Variants in SNTB1 observed in about 807,000 individuals in gnomAD.
SNTB1 encodes the protein syntrophin beta 1.
SNTB1 carries 36 observed loss-of-function variants against 48.9 expected under a neutral mutation model. That is an observed-to-expected ratio of 0.74 (90% CI 0.56 to 0.97). SNTB1 has a LOEUF of 0.97. Ranked by LOEUF, SNTB1 falls within the 50% of genes least tolerant of loss-of-function variation. The probability of loss-of-function intolerance (pLI) is 0.00; values close to 1 mark genes in which losing one functional copy is unlikely to be tolerated. For missense variants in SNTB1, 786 were observed against 703.4 expected, an observed-to-expected ratio of 1.12 and a Z score of -1.33; for synonymous variants, 299 against 294.6, an observed-to-expected ratio of 1.01 and a Z score of -0.15.
chr8:120,651,070 A>G (rs376000933), intron 2 of SNTB1, among the ~76,000 whole-genome samples: 2 of 152,210 alleles, frequency 1.3e-5, no homozygotes, highest in Non-Finnish European at 2.9e-5. Context: ...TCACAGTGCC[A>G]TGCTCATCTT....
At chr8:120,653,955 G>C (rs1258749279) in intron 2 of SNTB1, among the ~76,000 whole-genome samples, 1 of 143,412 alleles carries the variant, frequency 7.0e-6, no homozygotes. Flanking sequence ...CAGGAGAATG[G>C]CGTGAACCCG....
At chr8:120,624,404 C>G (rs1587041258) in intron 3 of SNTB1, among the ~76,000 whole-genome samples, 1 of 152,114 alleles carries the variant, frequency 6.6e-6, no homozygotes, top group East Asian at 1.9e-4. Flanking sequence ...GGAAGGTGGT[C>G]AAGCATCCTT....
At chr8:120,800,986 T>C (rs1252125452) in intron 1 of SNTB1, among the ~76,000 whole-genome samples, 1 of 152,060 alleles carries the variant, frequency 6.6e-6, no homozygotes, top group Admixed American at 6.6e-5. Context: ...TATTTGAATA[T>C]ACATTTTAAT....
chr8:120,710,991 T>C (rs1666467868), intron 1 of SNTB1, among the ~76,000 whole-genome samples: 1 of 152,194 alleles, frequency 6.6e-6, no homozygotes, highest in Admixed American at 6.5e-5. Flanking sequence ...TTAGGGCATA[T>C]TGACCTGCAC....
intron 1 of SNTB1, among the ~76,000 whole-genome samples, chr8:120,712,659 A>C (rs925296748): frequency 2.0e-5 from 3 of 152,204 alleles, no homozygotes; most frequent in African/African-American, 7.2e-5. Flanking sequence ...TGGTAAACTT[A>C]TTAATACCAC....
At chr8:120,742,553 C>T (rs1819057438) in intron 1 of SNTB1, among the ~76,000 whole-genome samples, 1 of 152,200 alleles carries the variant, frequency 6.6e-6, no homozygotes, top group Non-Finnish European at 1.5e-5. Context: ...GCTGAGCTTC[C>T]TCCTACAGCT....
intron 3 of SNTB1, among the ~76,000 whole-genome samples, chr8:120,581,140 C>T (rs1048770489): frequency 6.7e-6 from 1 of 149,330 alleles, no homozygotes; most frequent in Non-Finnish European, 1.5e-5. Flanking sequence ...ACATCTAGAG[C>T]TGAATGCAAA....
intron 3 of SNTB1, among the ~76,000 whole-genome samples, chr8:120,590,519 C>T (rs1005131573): frequency 1.3e-5 from 2 of 152,074 alleles, no homozygotes; most frequent in African/African-American, 2.4e-5. Flanking sequence ...AAGTGCAGGC[C>T]ATAATGATTA....
intron 1 of SNTB1, among the ~76,000 whole-genome samples, chr8:120,728,026 AT>A (rs1197829569): frequency 6.6e-6 from 1 of 151,548 alleles, no homozygotes; most frequent in Non-Finnish European, 1.5e-5. Context: ...TTTATTTATT[AT>A]TTTTTCTTTT....
chr8:120,669,656 G>A (rs1261573878), intron 2 of SNTB1, among the ~76,000 whole-genome samples: 1 of 52,014 alleles, frequency 1.9e-5, no homozygotes, highest in African/African-American at 3.1e-4. Flanking sequence ...GTTTCACCGT[G>A]TTAGCCAGGA....
intron 4 of SNTB1, among the ~76,000 whole-genome samples, chr8:120,556,280 G>A (rs1297966565): frequency 2.0e-5 from 3 of 152,158 alleles, no homozygotes; most frequent in African/African-American, 7.2e-5. Context: ...ACATGAGCCT[G>A]GTAGGGTGGA....
intron 3 of SNTB1, among the ~76,000 whole-genome samples, chr8:120,631,907 A>G (rs1490449952): frequency 6.6e-6 from 1 of 152,178 alleles, no homozygotes; most frequent in Non-Finnish European, 1.5e-5. Context: ...TTTAATGATG[A>G]CATTAAAGAG....
chr8:120,620,265 C>T (rs1441359241), intron 3 of SNTB1, among the ~76,000 whole-genome samples: 2 of 152,134 alleles, frequency 1.3e-5, no homozygotes, highest in African/African-American at 4.8e-5. Flanking sequence ...ATGTGCTGGC[C>T]CTGTGCCAGC....
At chr8:120,693,056 C>T (rs953457525) in intron 2 of SNTB1, among the ~76,000 whole-genome samples, 5 of 151,982 alleles carry the variant, frequency 3.3e-5, no homozygotes, top group South Asian at 2.1e-4. Context: ...CAGGGGGTGC[C>T]GACAAGTTAC....
intron 1 of SNTB1, among the ~76,000 whole-genome samples, chr8:120,778,927 T>C (rs1819784553): frequency 6.6e-6 from 1 of 152,332 alleles, no homozygotes; most frequent in East Asian, 1.9e-4. Flanking sequence ...TGCATCTGTT[T>C]GGCAGGCTCA....
At chr8:120,803,946 T>C (rs1820279408) in intron 1 of SNTB1, among the ~76,000 whole-genome samples, 1 of 152,200 alleles carries the variant, frequency 6.6e-6, no homozygotes, top group African/African-American at 2.4e-5. Context: ...TTACACTACC[T>C]ATACCTTTTG....
At chr8:120,691,005 G>A (rs1232075439) in intron 2 of SNTB1, among the ~76,000 whole-genome samples, 1 of 151,918 alleles carries the variant, frequency 6.6e-6, no homozygotes. Context: ...TCTCCCACAG[G>A]GGAAGCCCTA....
chr8:120,602,600 T>A (rs1394457223), intron 3 of SNTB1, among the ~76,000 whole-genome samples: 1 of 152,194 alleles, frequency 6.6e-6, no homozygotes, highest in Non-Finnish European at 1.5e-5. Context: ...CCAGCCCCTA[T>A]AATCATGTGA....
At chr8:120,710,917 T>G (rs1818451918) in intron 1 of SNTB1, among the ~76,000 whole-genome samples, 1 of 152,144 alleles carries the variant, frequency 6.6e-6, no homozygotes, top group African/African-American at 2.4e-5. Context: ...CATTCTGAAA[T>G]GTGTTAAAAC....
Sources: gnomAD v4.1 joint callset for allele counts (sites outside exome capture counted in the v4.1 genomes callset) on GRCh38, gnomAD v4.1.1 for gene constraint, MANE v1.5 for transcripts, NCBI Gene and HGNC (gene_info 2026-07-23, HGNC 2026-07-21) for gene names.